The following CNOT11 variants were observed in gnomAD, a reference collection of about 807,000 sequenced individuals.
CNOT11 encodes UPF0760 protein C2orf29.
Under a neutral mutation model 44.6 loss-of-function variants are expected in CNOT11, and 18 were observed. The ratio of observed to expected loss-of-function variants is 0.40; its 90% CI spans 0.28 to 0.60. The LOEUF is 0.60. Ranked by LOEUF, CNOT11 falls within the 20% of genes least tolerant of loss-of-function variation. CNOT11 has a pLI of 0.38. For missense variants in CNOT11, 513 were observed against 677.0 expected (o/e 0.76, Z 2.69); for synonymous variants, 291 against 270.9 (o/e 1.07, Z -0.73).
In CNOT11 at chr2:101,261,755, C is replaced by A. The variant is rs146657240; in HGVS notation, c.680-784C>A. Among the ~76,000 whole-genome samples, 677 of 150,566 alleles carry A rather than the reference C, an allele frequency of 4.5e-3. 3 individuals carry two copies. The highest frequency in any genetic ancestry group is 0.016 in the African/African-American group (643 of 41,030). ...CCTAGTTCCTAATGGGATTAAATAT[C>A]TTTTCAGATTTTTTTGGCCATTCAA... is the stretch of plus-strand genomic sequence containing the variant. On this transcript the variant is annotated intron_variant, in intron 2 of 6. Transcript: ENST00000289382.
chr2:101,269,550 T>C lies in CNOT11; in HGVS notation c.*137T>C, dbSNP rs1160993610. 1 of 643,182 alleles carries C rather than the reference T, an allele frequency of 1.6e-6. No individual in the cohort carries two copies. Among genetic ancestry groups the C allele is most frequent in the Non-Finnish European group, 2.5e-6 (1 of 398,372 alleles). The allele number at this position is 643,182 out of a possible 1,614,324, so 39.8% of individuals were successfully genotyped here. On this transcript the variant is annotated 3_prime_UTR_variant, in exon 7 of 7. Coordinates refer to ENST00000289382, the MANE Select transcript of CNOT11 (RefSeq NM_017546.5). This position sits in a 1 kb window ranked among gnomAD's most constrained non-coding sequence, Gnocchi z 4.8. ...TTATCTACTTAAAGCAAAGTTTTGC[T>C]TTCTTGAATGACTTTTTCTGTGAGA...
At chr2:101,262,298 T>C (rs1290182716) in intron 2 of CNOT11, 1 of 452,168 alleles carries the variant, frequency 2.2e-6, no homozygotes, top group Non-Finnish European at 4.0e-6. Context: ...CATTGTTTTA[T>C]TATAACATTG....
chr2:101,265,195 G>T (rs543145494), intron 4 of CNOT11, 148 bp downstream of exon 4: 2 of 481,242 alleles, frequency 4.2e-6, no homozygotes, highest in Non-Finnish European at 7.2e-6. Context: ...CTGCCTCCCG[G>T]GTTCAAGTGA....
rs1054568317 is a variant in CNOT11 at position 101,253,039 on chromosome 2, G to A, written c.75G>A (p.Ala25=). The A allele has an allele frequency of 4.0e-6, 6 of 1,515,058 alleles. No homozygotes were observed. The East Asian group carries it at 1.3e-4, about 34-fold the overall frequency. 93.9% of individuals were successfully genotyped at this position (1,515,058 alleles called of 1,614,324 possible). A position where few individuals can be genotyped will look rare whatever the true frequency, so the allele number is the denominator to read the frequency against. The change falls in exon 1 of 7, where the codon GCG becomes GCA. Residue 25 remains alanine, a synonymous_variant. Transcript: ENST00000289382. This position sits in a 1 kb window ranked among gnomAD's most constrained non-coding sequence, Gnocchi z 4.3. ...CGGAGCAAAGAGGGTCCCGGGAAGC[G>A]GCAGGGTCGGCGTCCAGGAGCGGCT... ...TAAEQRGSRE[A]AGSASRSGFG...
At chr2:101,267,739 T>C (rs1389289784) in intron 5 of CNOT11, among the ~76,000 whole-genome samples, 2 of 152,210 alleles carry the variant, frequency 1.3e-5, no homozygotes, top group Non-Finnish European at 2.9e-5. Context: ...TTAGATGGGC[T>C]GGAGGGCTTA....
In CNOT11 at chr2:101,253,126, G is replaced by C. The variant is rs2272320; in HGVS notation, c.162G>C (p.Pro54=). The C allele has an allele frequency of 6.5e-7, 1 of 1,539,780 alleles. No individual in the cohort carries two copies. The highest frequency in any genetic ancestry group is 8.7e-7 in the Non-Finnish European group (1 of 1,150,534). Residue 54 remains proline (P), a synonymous_variant, in exon 1 of 7, where the codon CCG becomes CCC. Transcript: ENST00000289382. The surrounding 1 kb of genome is among the most constrained non-coding windows in gnomAD (Gnocchi z 4.3). The stretch of plus-strand genomic sequence containing the variant: ...GCCCCGGGTCCGGGAGCGGAGGCCC[G>C]GGGGGCCCCGCGGGCAGGATGAGCT... ...ASGPGSGSGG[P]GGPAGRMSLT... is the part of the protein sequence containing the mutation.
intron 3 of CNOT11, 35 bp from the exon 4 acceptor site, chr2:101,264,810 C>A (rs780809132): frequency 2.6e-6 from 4 of 1,560,906 alleles, no homozygotes; most frequent in Non-Finnish European, 3.5e-6. Context: ...ATGTTAGCTT[C>A]CTGATAGGAG....
chr2:101,260,311 A>AT (rs1260470681), intron 2 of CNOT11, among the ~76,000 whole-genome samples: 9 of 151,846 alleles, frequency 5.9e-5, no homozygotes, highest in East Asian at 1.9e-4. Context: ...TTAAATAGTA[A>AT]TTTTTTTTAT....
Position 101,253,436 on chromosome 2 carries a change from CCCGCCCGCGGCGGCCAGGAACCCGA to C in CNOT11, c.479_503del (p.Arg160LeufsTer10), listed in dbSNP as rs779259655. ...CGCGCACCTGCTCAACCCCGCGCCG[CCCGCCCGCGGCGGCCAGGAACCCGA>C]CCGCCCTCCGCTCTCAGGTACCTCC... On this transcript the variant is annotated frameshift_variant, in exon 1 of 7. Transcript: ENST00000289382. LOFTEE classifies it high-confidence loss of function. This position sits in a 1 kb window ranked among gnomAD's most constrained non-coding sequence, Gnocchi z 4.3. 6.5e-7 allele frequency: 1 copy of C among 1,534,690 alleles called. No individual in the cohort carries two copies. Among genetic ancestry groups the C allele is most frequent in the South Asian group, 1.2e-5 (1 of 81,968 alleles).
intron 1 of CNOT11, among the ~76,000 whole-genome samples, chr2:101,254,026 C>T (rs908600161): frequency 6.6e-6 from 1 of 152,122 alleles, no homozygotes; most frequent in African/African-American, 2.4e-5. Flanking sequence ...ACTTACTGGA[C>T]ATTATGTAAA....
At chr2:101,266,632 C>T in intron 4 of CNOT11, 45 bp from the exon 5 acceptor site, 1 of 1,478,076 alleles carries the variant, frequency 6.8e-7, no homozygotes. Context: ...ACTCAACACC[C>T]TTTCTCTCTC....
intron 3 of CNOT11, among the ~76,000 whole-genome samples, chr2:101,263,473 T>G (rs1215306984): frequency 6.6e-6 from 1 of 152,214 alleles, no homozygotes; most frequent in Non-Finnish European, 1.5e-5. Context: ...ACTCAATCCC[T>G]TGAGGCTCAG....
chr2:101,253,718 C>T lies in CNOT11; in HGVS notation c.514+240C>T, dbSNP rs1681679453. On this transcript the variant is annotated intron_variant, in intron 1 of 6. Transcript: ENST00000289382. The surrounding 1 kb of genome is among the most constrained non-coding windows in gnomAD (Gnocchi z 4.3). ...CCGAAAATGATTTCTCTATACACCCCATCACATCATACAGCTCAGTGTAGG... is the reference window on the plus strand; with the variant it reads ...CCGAAAATGATTTCTCTATACACCCTATCACATCATACAGCTCAGTGTAGG... Among the ~76,000 whole-genome samples the T allele has an allele frequency of 6.6e-6, 1 of 152,210 alleles. No individual in the cohort carries two copies. Among genetic ancestry groups the T allele is most frequent in the Non-Finnish European group, 1.5e-5 (1 of 68,040 alleles).
chr2:101,261,244 C>T (rs745530713), intron 2 of CNOT11, among the ~76,000 whole-genome samples: 1 of 152,202 alleles, frequency 6.6e-6, no homozygotes, highest in Non-Finnish European at 1.5e-5. Flanking sequence ...TGATAATCAT[C>T]CTCAATTTGC....
chr2:101,259,437 G>A lies in CNOT11; in HGVS notation c.679+1482G>A, dbSNP rs139924416. Among the ~76,000 whole-genome samples the A allele has an allele frequency of 6.4e-4, 98 of 152,274 alleles. No individual in the cohort carries two copies. The Middle Eastern group carries it at 0.014, about 21-fold the overall frequency. ...TGTGTCCTGACAGAAAATAATAGGA[G>A]AAGGAGAACTGGTGGTCAGAGAGAG... On this transcript the variant is annotated intron_variant, in intron 2 of 6. Coordinates refer to ENST00000289382, the MANE Select transcript of CNOT11 (RefSeq NM_017546.5).
intron 3 of CNOT11, among the ~76,000 whole-genome samples, chr2:101,263,438 A>G (rs554390660): frequency 6.6e-6 from 1 of 152,270 alleles, no homozygotes; most frequent in East Asian, 1.9e-4. Context: ...TAAGAGATGG[A>G]ATCTTGCTAT....
At chr2:101,256,964 G>A (rs1157585909) in intron 1 of CNOT11, among the ~76,000 whole-genome samples, 2 of 151,676 alleles carry the variant, frequency 1.3e-5, no homozygotes, top group Admixed American at 1.3e-4. Flanking sequence ...CAGGAGAATG[G>A]CGTGAACCCA....
intron 2 of CNOT11, among the ~76,000 whole-genome samples, chr2:101,260,058 G>A (rs1459269890): frequency 3.9e-5 from 6 of 152,088 alleles, no homozygotes; most frequent in Non-Finnish European, 8.8e-5. Context: ...CAAAAGCAGA[G>A]ACAAGAACAA....
intron 2 of CNOT11, among the ~76,000 whole-genome samples, chr2:101,260,330 A>T (rs1349478807): frequency 2.0e-5 from 3 of 152,162 alleles, no homozygotes; most frequent in African/African-American, 7.2e-5. Context: ...ATCATAATAA[A>T]GTGAGAATCA....
Sources: allele counts gnomAD v4.1 joint callset (sites outside exome capture counted in the v4.1 genomes callset), GRCh38; gene constraint gnomAD v4.1.1; non-coding constraint Gnocchi (gnomAD v3.1); transcripts MANE v1.5; gene names NCBI Gene and HGNC (gene_info 2026-07-23, HGNC 2026-07-21).